The following GPC6 variants were observed in gnomAD, a reference collection of about 807,000 sequenced individuals.
GPC6 encodes the protein glypican 6.
GPC6 carries 14 observed loss-of-function variants against 55.2 expected under a neutral mutation model. That is an observed-to-expected ratio of 0.25 (90% confidence interval 0.17 to 0.40). The LOEUF (loss-of-function observed/expected upper bound fraction) is 0.40, where lower values mean the gene tolerates loss of function less well. GPC6 is among the 10% of genes least tolerant of loss of function. GPC6 has a pLI of 1.00. For missense variants in GPC6, 641 were observed against 708.5 expected, an observed-to-expected ratio of 0.90 and a Z score of 1.08; for synonymous variants, 278 against 259.6, an observed-to-expected ratio of 1.07 and a Z score of -0.68.
intron 1 of GPC6, among the ~76,000 whole-genome samples, chr13:93,471,323 G>C (rs1201881484): frequency 6.8e-6 from 1 of 147,800 alleles, no homozygotes; most frequent in Non-Finnish European, 1.5e-5. Flanking sequence ...GACCATCCTG[G>C]CTAACGTGGT....
At chr13:93,547,207 G>A (rs543992946) in intron 2 of GPC6, among the ~76,000 whole-genome samples, 31 of 150,198 alleles carry the variant, frequency 2.1e-4, no homozygotes, top group Admixed American at 2.0e-3. Flanking sequence ...TTAGCTGGGC[G>A]TGGTGCCAGG....
chr13:93,842,123 T>C (rs1446794335), intron 3 of GPC6, among the ~76,000 whole-genome samples: 1 of 152,196 alleles, frequency 6.6e-6, no homozygotes, highest in Non-Finnish European at 1.5e-5. Flanking sequence ...TTGTTTTTAA[T>C]GAAAATGGAC....
intron 4 of GPC6, among the ~76,000 whole-genome samples, chr13:94,199,982 C>A (rs1440905410): frequency 6.6e-6 from 1 of 152,020 alleles, no homozygotes; most frequent in African/African-American, 2.4e-5. Flanking sequence ...TATGGTGAAA[C>A]CCTGTCTTTA....
At chr13:93,402,602 A>G (rs998401839) in intron 1 of GPC6, among the ~76,000 whole-genome samples, 6 of 152,122 alleles carry the variant, frequency 3.9e-5, no homozygotes, top group African/African-American at 1.4e-4. Flanking sequence ...TTAGCGCTAC[A>G]CCGTACTGAC....
intron 2 of GPC6, among the ~76,000 whole-genome samples, chr13:93,722,821 C>T (rs1440852240): frequency 2.0e-5 from 3 of 151,938 alleles, no homozygotes; most frequent in Admixed American, 2.0e-4. Context: ...TATTCCTCGA[C>T]TTGTAGACAC....
intron 3 of GPC6, among the ~76,000 whole-genome samples, chr13:93,882,875 A>C (rs1289378396): frequency 6.6e-6 from 1 of 152,130 alleles, no homozygotes; most frequent in East Asian, 1.9e-4. Context: ...AGACTCACTG[A>C]GAGTGGAACT....
chr13:94,268,371 C>T (rs1891880273), intron 4 of GPC6, among the ~76,000 whole-genome samples: 1 of 152,132 alleles, frequency 6.6e-6, no homozygotes, highest in Non-Finnish European at 1.5e-5. Context: ...TAAAATTAAT[C>T]CCTTTCATTG....
intron 3 of GPC6, among the ~76,000 whole-genome samples, chr13:93,890,968 C>A (rs1368838140): frequency 1.3e-5 from 2 of 151,584 alleles, no homozygotes; most frequent in Non-Finnish European, 2.9e-5. Flanking sequence ...CTCATTTAAC[C>A]CTGTAACACT....
intron 4 of GPC6, among the ~76,000 whole-genome samples, chr13:94,060,502 T>G (rs542999517): frequency 6.6e-6 from 1 of 152,316 alleles, no homozygotes; most frequent in South Asian, 2.1e-4. Context: ...CACTTGCCAC[T>G]TAGGCCATTT....
At chr13:94,123,462 T>C (rs1490072208) in intron 4 of GPC6, among the ~76,000 whole-genome samples, 1 of 152,148 alleles carries the variant, frequency 6.6e-6, no homozygotes. Context: ...ACTGGATATG[T>C]AAACTTAATT....
intron 6 of GPC6, among the ~76,000 whole-genome samples, chr13:94,311,281 G>A (rs142557752): frequency 6.6e-6 from 1 of 150,632 alleles, no homozygotes; most frequent in Non-Finnish European, 1.5e-5. Flanking sequence ...TGATTCACCT[G>A]CCTTGGCCTC....
intron 6 of GPC6, among the ~76,000 whole-genome samples, chr13:94,334,569 G>A (rs1234247355): frequency 6.6e-6 from 1 of 152,166 alleles, no homozygotes; most frequent in South Asian, 2.1e-4. Context: ...GCATTCCCTG[G>A]CAACTTGTTA....
intron 3 of GPC6, among the ~76,000 whole-genome samples, chr13:93,858,004 C>T (rs1379791187): frequency 1.3e-5 from 2 of 151,320 alleles, no homozygotes; most frequent in East Asian, 2.0e-4. Flanking sequence ...TGCTAACATA[C>T]ATTAATTACA....
At chr13:94,267,804 G>A (rs1436600700) in intron 4 of GPC6, among the ~76,000 whole-genome samples, 2 of 152,186 alleles carry the variant, frequency 1.3e-5, no homozygotes, top group Admixed American at 6.5e-5. Flanking sequence ...AGAAACGCAA[G>A]CTAATATTAC....
chr13:93,514,806 T>C (rs1881120766), intron 1 of GPC6, among the ~76,000 whole-genome samples: 1 of 151,954 alleles, frequency 6.6e-6, no homozygotes, highest in African/African-American at 2.4e-5. Context: ...AGGGACAGAA[T>C]CCCCTACCAA....
At position 93,368,468 on chromosome 13, in the gene GPC6, A is replaced by T. The variant is rs981301632; in HGVS notation, c.160+140852A>T. ...GACTGAAATGATAGTATGCTGTCTT[A>T]AAAAGCTTGGTTGTAAAAGGAAGGA... is the stretch of plus-strand genomic sequence containing the variant. On this transcript the variant is annotated intron_variant, in intron 1 of 8. Coordinates refer to ENST00000377047, the MANE Select transcript of GPC6 (RefSeq NM_005708.5). Among the ~76,000 whole-genome samples the T allele has an allele frequency of 5.3e-5, 8 of 151,102 alleles. No homozygotes were observed. The Admixed American group carries it at 5.3e-4, about 10-fold the overall frequency.
chr13:94,171,030 T>C (rs1888550011), intron 4 of GPC6, among the ~76,000 whole-genome samples: 1 of 152,220 alleles, frequency 6.6e-6, no homozygotes, highest in African/African-American at 2.4e-5. Context: ...AAAATAAGTG[T>C]GCCTTTTTAA....
chr13:93,771,706 A>G lies in GPC6; in HGVS notation c.320-58448A>G, dbSNP rs1396942227. The stretch of plus-strand genomic sequence containing the variant: ...CCTGCACAATGTGCACATGTACCCT[A>G]AAACTTAAAGTATAATAATAATAAA... On this transcript the variant is annotated intron_variant, in intron 2 of 8. Coordinates refer to ENST00000377047, the MANE Select transcript of GPC6 (RefSeq NM_005708.5). Among the ~76,000 whole-genome samples, 7 of 145,892 alleles carry G rather than the reference A, an allele frequency of 4.8e-5. No individual in the cohort carries two copies. The Admixed American group carries it at 4.8e-4, about 10-fold the overall frequency.
chr13:94,074,333 A>G (rs1043747094), intron 4 of GPC6, among the ~76,000 whole-genome samples: 3 of 152,202 alleles, frequency 2.0e-5, no homozygotes, highest in Non-Finnish European at 4.4e-5. Flanking sequence ...TCAGAAGACT[A>G]TTATGTGCAG....
Sources: gnomAD v4.1 joint callset for allele counts (sites outside exome capture counted in the v4.1 genomes callset) on GRCh38, gnomAD v4.1.1 for gene constraint, MANE v1.5 for transcripts, NCBI Gene and HGNC (gene_info 2026-07-23, HGNC 2026-07-21) for gene names.